Variants in KLHL7 observed in about 807,000 individuals in gnomAD.
KLHL7 encodes the protein kelch like family member 7, also known as kelch-like protein 7.
KLHL7 carries 44 observed loss-of-function variants against 67.4 expected under a neutral mutation model. The observed-to-expected ratio is 0.65, with a 90% confidence interval of 0.51 to 0.84. KLHL7 has a LOEUF of 0.84. KLHL7 is among the 40% of genes least tolerant of loss of function. The pLI is 0.00. For missense variants in KLHL7, 362 were observed against 718.1 expected (o/e 0.50, Z 5.67); for synonymous variants, 252 against 243.3 (o/e 1.04, Z -0.33).
chr7:23,174,087 A>G lies in KLHL7; in HGVS notation c.1550A>G (p.Lys517Arg). The change falls in exon 11 of 11, where the codon AAG (lysine) becomes AGG (arginine). Residue 517 changes from lysine (K) to arginine (R), a missense_variant. This residue lies in a region of KLHL7 where 136 missense variants were observed against 252.7 expected (regional missense o/e 0.54). Transcript: ENST00000339077. ...EWKMVSPMPWKGVTVKCAAVG... is the reference protein window; with the variant it reads ...EWKMVSPMPWRGVTVKCAAVG... ...AAGATGGTCTCACCAATGCCATGGA[A>G]GGGTGTAACAGTGAAATGTGCAGCA... 6.2e-7 allele frequency: 1 copy of G among 1,614,168 alleles called. No individual in the cohort carries two copies. The highest frequency in any genetic ancestry group is 8.5e-7 in the Non-Finnish European group (1 of 1,180,000).
At position 23,125,965 on chromosome 7, in the gene KLHL7, T is replaced by TA. The variant is rs748646296; in HGVS notation, c.442+794dup. On this transcript the variant is annotated intron_variant, in intron 4 of 10. Transcript: ENST00000339077. ...TATATACTGTGTTTTTTATGATACA[T>TA]ACATGCCTATGATGAAGTTTAATTT... 21 of 878,364 alleles carry TA rather than the reference T, an allele frequency of 2.4e-5. No homozygotes were observed. The South Asian group carries it at 3.0e-4, about 12-fold the overall frequency. 54.4% of individuals were successfully genotyped at this position (878,364 alleles called of 1,614,324 possible).
chr7:23,105,829 G>C lies in KLHL7; in HGVS notation c.-198G>C. The C allele has an allele frequency of 1.3e-6, 1 of 749,564 alleles. No individual in the cohort carries two copies. The highest frequency in any genetic ancestry group is 2.8e-5 in the East Asian group (1 of 35,196). 46.4% of individuals were successfully genotyped at this position (749,564 alleles called of 1,614,324 possible). ...AGCCCAGTTGGTAGCGTCGCTCCCT[G>C]AGCGTTTCTAAGGGGGCCGCCCGGC... On this transcript the variant is annotated 5_prime_UTR_variant, in exon 1 of 11. Transcript: ENST00000339077.
chr7:23,158,165 C>A (rs6461695), intron 7 of KLHL7, among the ~76,000 whole-genome samples: 55,577 of 151,876 alleles, frequency 0.37, 10,576 homozygotes, highest in African/African-American at 0.46. Context: ...AGGGGTCTCT[C>A]TGTGTTGCCA....
At chr7:23,160,874 G>A (rs552942129) in intron 7 of KLHL7, among the ~76,000 whole-genome samples, 12 of 152,194 alleles carry the variant, frequency 7.9e-5, no homozygotes, top group Non-Finnish European at 1.8e-4. Context: ...GAAAACCAGA[G>A]TGCCCTTAAG....
intron 7 of KLHL7, among the ~76,000 whole-genome samples, chr7:23,157,846 A>G (rs1784752456): frequency 6.6e-6 from 1 of 152,204 alleles, no homozygotes; most frequent in Non-Finnish European, 1.5e-5. Flanking sequence ...GGCCTTAATT[A>G]TAAATTAACA....
At chr7:23,163,874 A>T (rs1467818495) in intron 7 of KLHL7, among the ~76,000 whole-genome samples, 1 of 152,146 alleles carries the variant, frequency 6.6e-6, no homozygotes, top group Non-Finnish European at 1.5e-5. Context: ...ACTCAGTAAA[A>T]CTTAAGTGAA....
At chr7:23,169,266 A>C (rs1315033816) in intron 9 of KLHL7, among the ~76,000 whole-genome samples, 1 of 149,664 alleles carries the variant, frequency 6.7e-6, no homozygotes, top group African/African-American at 2.5e-5. Context: ...CTCAAAAAAA[A>C]ATAAAAAATA....
chr7:23,135,609 C>G (rs1023256790), intron 4 of KLHL7, among the ~76,000 whole-genome samples: 2 of 152,148 alleles, frequency 1.3e-5, no homozygotes, highest in African/African-American at 4.8e-5. Context: ...CATGTATTAT[C>G]ACTAGGCTAT....
chr7:23,168,119 C>G, intron 9 of KLHL7, 82 bp downstream of exon 9: 1 of 1,344,298 alleles, frequency 7.4e-7, no homozygotes, highest in East Asian at 2.4e-5. Flanking sequence ...CAGAGGAACC[C>G]AACAGAAGAA....
chr7:23,132,907 C>T (rs893471352), intron 4 of KLHL7, among the ~76,000 whole-genome samples: 1 of 152,076 alleles, frequency 6.6e-6, no homozygotes. Flanking sequence ...CTGTCTTTTC[C>T]TCAGTGTGTA....
chr7:23,173,212 T>A (rs888609513), intron 10 of KLHL7, among the ~76,000 whole-genome samples, 167 bp downstream of exon 10: 1 of 152,214 alleles, frequency 6.6e-6, no homozygotes, highest in Admixed American at 6.5e-5. Flanking sequence ...TATCGCAGGA[T>A]GTTAAACATT....
Position 23,125,183 on chromosome 7 carries a change from T to G in KLHL7, c.442+11T>G. On this transcript the variant is annotated intron_variant, in intron 4 of 10. Transcript: ENST00000339077. ...CTTCAAATTGTCTTGGTAAGAAATA[T>G]CAGATTCCTGTTGTGTGTTTATTTT... 1 of 1,612,488 alleles carries G rather than the reference T, an allele frequency of 6.2e-7. No homozygotes were observed.
intron 4 of KLHL7, among the ~76,000 whole-genome samples, chr7:23,132,289 C>G (rs1583670817): frequency 2.0e-5 from 3 of 152,294 alleles, no homozygotes; most frequent in Admixed American, 6.5e-5. Context: ...CGAGGGTTCC[C>G]TTTTCTCCAC....
intron 2 of KLHL7, among the ~76,000 whole-genome samples, chr7:23,124,291 C>A (rs988418316): frequency 6.7e-6 from 1 of 149,076 alleles, no homozygotes; most frequent in African/African-American, 2.5e-5. Context: ...ATATTTTAGC[C>A]GGCAAGTTAA....
intron 5 of KLHL7, among the ~76,000 whole-genome samples, chr7:23,142,177 A>T (rs1401175164): frequency 6.6e-6 from 1 of 152,158 alleles, no homozygotes; most frequent in Non-Finnish European, 1.5e-5. Flanking sequence ...TACAGATGTG[A>T]GCCACCATGC....
At chr7:23,108,564 C>T (rs1230206786) in intron 1 of KLHL7, among the ~76,000 whole-genome samples, 1 of 152,168 alleles carries the variant, frequency 6.6e-6, no homozygotes, top group Non-Finnish European at 1.5e-5. Context: ...CAGTCACCAA[C>T]CCCACAGTAG....
Position 23,175,437 on chromosome 7 carries a change from G to T in KLHL7, c.*1139G>T, listed in dbSNP as rs757974189. On this transcript the variant is annotated 3_prime_UTR_variant, in exon 11 of 11. Coordinates refer to ENST00000339077, the MANE Select transcript of KLHL7 (RefSeq NM_001031710.3). ...TAACTTAAAATAGGCCACTCAGTTT[G>T]TTCTTCAAGTATTTTAGGTAATGGT... 1 of 420,912 alleles carries T rather than the reference G, an allele frequency of 2.4e-6. No individual in the cohort carries two copies. The highest frequency in any genetic ancestry group is 2.1e-5 in the African/African-American group (1 of 48,056). 26.1% of individuals were successfully genotyped at this position (420,912 alleles called of 1,614,324 possible). A position where few individuals can be genotyped will look rare whatever the true frequency, so the allele number is the denominator to read the frequency against.
chr7:23,172,038 T>G, intron 9 of KLHL7: 1 of 403,500 alleles, frequency 2.5e-6, no homozygotes, highest in Non-Finnish European at 4.9e-6. Context: ...AGAAGAGATA[T>G]AAACAATAAT....
chr7:23,107,942 A>G (rs1005513901), intron 1 of KLHL7, among the ~76,000 whole-genome samples: 2 of 152,264 alleles, frequency 1.3e-5, no homozygotes, highest in African/African-American at 2.4e-5. Context: ...TAACACAGGA[A>G]ACAATTGACC....
Sources: gnomAD v4.1 joint callset for allele counts (sites outside exome capture counted in the v4.1 genomes callset) on GRCh38, gnomAD v4.1.1 for gene constraint, gnomAD v4.1.1 regional missense constraint, MANE v1.5 for transcripts, NCBI Gene and HGNC (gene_info 2026-07-23, HGNC 2026-07-21) for gene names.